Variants in JMJD1C observed in about 807,000 individuals in gnomAD.
The protein encoded by JMJD1C is jumonji domain-containing protein 1C.
Under a neutral mutation model 245.3 loss-of-function variants are expected in JMJD1C, and 31 were observed. That is an observed-to-expected ratio of 0.13 (90% CI 0.09 to 0.17). JMJD1C has a LOEUF of 0.17. Among genes scored for constraint, JMJD1C ranks in the 10% least tolerant of loss-of-function variants. The probability of loss-of-function intolerance (pLI) is 1.00; values close to 1 mark genes in which losing one functional copy is unlikely to be tolerated. For synonymous variants in JMJD1C, 1,057 were observed against 1,017.4 expected (o/e 1.04, Z -0.74); for missense variants, 2,691 against 3,000.2 (o/e 0.90, Z 2.41).
intron 2 of JMJD1C, among the ~76,000 whole-genome samples, chr10:63,305,467 T>C (rs1438533822): frequency 1.4e-5 from 2 of 138,744 alleles, no homozygotes; most frequent in African/African-American, 2.8e-5. Flanking sequence ...ACCCTCTCTC[T>C]CTCTCTCTCT....
intron 1 of JMJD1C, among the ~76,000 whole-genome samples, chr10:63,410,279 T>C (rs1173449955): frequency 2.0e-5 from 3 of 152,172 alleles, no homozygotes; most frequent in African/African-American, 4.8e-5. Context: ...GTACAGGAAA[T>C]AGTTGGTGAA....
chr10:63,408,862 T>C (rs938365624), intron 1 of JMJD1C, among the ~76,000 whole-genome samples: 2 of 152,108 alleles, frequency 1.3e-5, no homozygotes, highest in Non-Finnish European at 2.9e-5. Context: ...GGAGGGCCAG[T>C]ACAGATATAA....
intron 2 of JMJD1C, among the ~76,000 whole-genome samples, chr10:63,336,393 G>C (rs1942734455): frequency 2.0e-5 from 3 of 152,258 alleles, no homozygotes; most frequent in South Asian, 4.2e-4. Flanking sequence ...AGGAGGCAGA[G>C]GTTGCAGTGG....
rs151009617 is a variant in JMJD1C, at chr10:63,187,762, T to A, written c.6571-1379A>T. 3.2e-4 allele frequency among the ~76,000 whole-genome samples: 48 copies of A among 152,340 alleles called. 1 individual carries two copies. The highest frequency in any genetic ancestry group is 1.1e-3 in the African/African-American group (47 of 41,580). ...GGCCTGTAAAGCTTTCTGATTAGAC[T>A]CCTTGCCAATGGTATTATTCTCTTC... On this transcript the variant is annotated intron_variant, in intron 18 of 25. Transcript: ENST00000399262.
At chr10:63,386,132 T>C (rs1947571187) in intron 1 of JMJD1C, among the ~76,000 whole-genome samples, 1 of 151,804 alleles carries the variant, frequency 6.6e-6, no homozygotes, top group Non-Finnish European at 1.5e-5. Flanking sequence ...GTAAGTTATC[T>C]CCCAAATCAA....
At chr10:63,457,778 A>G (rs1402936725) in intron 1 of JMJD1C, among the ~76,000 whole-genome samples, 1 of 152,210 alleles carries the variant, frequency 6.6e-6, no homozygotes, top group African/African-American at 2.4e-5. Context: ...TACAGAGATA[A>G]CAGATTTGAA....
At position 63,222,671 on chromosome 10, in the gene JMJD1C, G is replaced by A. The variant is rs539873996; in HGVS notation, c.448-2688C>T. 5 of 1,540,354 alleles carry A rather than the reference G, an allele frequency of 3.2e-6. No homozygotes were observed. The African/African-American group carries it at 5.4e-5, about 17-fold the overall frequency. ...TAGAGATCGGTGTGTAGAGGGAGTG[G>A]TGCATTCATTTGATGGTACCAAAGA... On this transcript the variant is annotated intron_variant, in intron 3 of 25. Transcript: ENST00000399262.
At chr10:63,517,786 C>CT (rs11361305) in intron 1 of JMJD1C, among the ~76,000 whole-genome samples, 816 of 72,156 alleles carry the variant, frequency 0.011, 2 homozygotes, top group Non-Finnish European at 0.013. Flanking sequence ...CTAATGGCCA[C>CT]TTTTTTTTTT....
intron 1 of JMJD1C, among the ~76,000 whole-genome samples, chr10:63,385,416 C>CTTTTTTTTTTT (rs35450282): frequency 3.7e-5 from 2 of 53,760 alleles, no homozygotes; most frequent in African/African-American, 7.5e-5. Context: ...CTGCCCCCGC[C>CTTTTTTTTTTT]TTTTTTTTTT....
At chr10:63,340,356 T>G (rs1943256328) in intron 2 of JMJD1C, among the ~76,000 whole-genome samples, 1 of 152,202 alleles carries the variant, frequency 6.6e-6, no homozygotes, top group Non-Finnish European at 1.5e-5. Flanking sequence ...AGGCAGGACA[T>G]GACAATGGCA....
rs1847004824 is a variant in JMJD1C, at chr10:63,209,063, T to A, written c.2867A>T (p.Glu956Val). The change falls in exon 9 of 26, where the codon GAA (glutamate) becomes GTA (valine). Residue 956 changes from glutamate to valine, a missense_variant and splice_region_variant. Around this residue, in one of 9 missense-constraint regions of JMJD1C, gnomAD observed 1,562 missense variants for 1,490.7 expected, o/e 1.05. Coordinates refer to ENST00000399262, the MANE Select transcript of JMJD1C (RefSeq NM_032776.3). ...LTKTLVDHHK[E>V]ELERKAFMEP... is the part of the protein sequence containing the mutation. ...AATTTTTAAGCACTGGTGAACTTAC[T>A]CCTTATGATGATCTACTAAAGTTTT... 1 of 1,607,866 alleles carries A rather than the reference T, an allele frequency of 6.2e-7. No individual in the cohort carries two copies. Among genetic ancestry groups the A allele is most frequent in the Non-Finnish European group, 8.5e-7 (1 of 1,177,158 alleles).
At chr10:63,252,968 G>A (rs888804853) in intron 3 of JMJD1C, among the ~76,000 whole-genome samples, 4 of 152,084 alleles carry the variant, frequency 2.6e-5, no homozygotes, top group East Asian at 1.9e-4. Flanking sequence ...CTTTTTCCTC[G>A]AATCTTAAAA....
At chr10:63,245,951 A>G (rs1852153109) in intron 3 of JMJD1C, among the ~76,000 whole-genome samples, 1 of 152,222 alleles carries the variant, frequency 6.6e-6, no homozygotes, top group Non-Finnish European at 1.5e-5. Flanking sequence ...ATGCAAACAT[A>G]TCAGAGACTT....
intron 2 of JMJD1C, among the ~76,000 whole-genome samples, chr10:63,282,793 T>G (rs1857553888): frequency 6.6e-6 from 1 of 152,232 alleles, no homozygotes; most frequent in African/African-American, 2.4e-5. Context: ...CTCGGCTCAC[T>G]GCAACCGCCG....
intron 22 of JMJD1C, among the ~76,000 whole-genome samples, chr10:63,181,081 G>T (rs952103770): frequency 6.6e-6 from 1 of 152,022 alleles, no homozygotes; most frequent in South Asian, 2.1e-4. Context: ...TGGCTAGCTG[G>T]TCTCAAACTC....
intron 1 of JMJD1C, among the ~76,000 whole-genome samples, chr10:63,450,531 A>C (rs552518835): frequency 5.3e-5 from 8 of 152,322 alleles, no homozygotes; most frequent in South Asian, 4.1e-4. Flanking sequence ...TCAACACACA[A>C]AAGTCAATAA....
chr10:63,373,700 T>C (rs1244131141), intron 2 of JMJD1C, among the ~76,000 whole-genome samples: 2 of 152,258 alleles, frequency 1.3e-5, no homozygotes, highest in African/African-American at 4.8e-5. Flanking sequence ...TAGTTTCTAC[T>C]GTTTCATTCT....
chr10:63,464,765 T>A (rs1953073296), intron 1 of JMJD1C, among the ~76,000 whole-genome samples: 1 of 152,156 alleles, frequency 6.6e-6, no homozygotes, highest in East Asian at 1.9e-4. Context: ...TTTTTCGTCT[T>A]ATTTAAAATC....
chr10:63,344,070 T>C (rs978809213), intron 2 of JMJD1C, among the ~76,000 whole-genome samples: 4 of 152,040 alleles, frequency 2.6e-5, no homozygotes, highest in Non-Finnish European at 4.4e-5. Flanking sequence ...AAATATAGGA[T>C]AGCCTAGGTA....
Sources: allele counts gnomAD v4.1 joint callset (sites outside exome capture counted in the v4.1 genomes callset), GRCh38; gene constraint gnomAD v4.1.1; regional missense constraint gnomAD v4.1.1; transcripts MANE v1.5; gene names NCBI Gene and HGNC (gene_info 2026-07-23, HGNC 2026-07-21).